The following RASSF8 variants were observed in gnomAD, a reference collection of about 807,000 sequenced individuals.
RASSF8 encodes ras association domain-containing protein 8.
Under a neutral mutation model 48.5 loss-of-function variants are expected in RASSF8, and 22 were observed. The observed-to-expected ratio is 0.45, with a 90% CI of 0.32 to 0.65. The LOEUF (loss-of-function observed/expected upper bound fraction) is 0.65, where lower values mean the gene tolerates loss of function less well. RASSF8 is among the 30% of genes least tolerant of loss of function. The pLI is 0.03. For missense variants in RASSF8, 418 were observed against 489.2 expected, an observed-to-expected ratio of 0.85 and a Z score of 1.37; for synonymous variants, 127 against 171.5, an observed-to-expected ratio of 0.74 and a Z score of 2.03.
chr12:25,989,050 C>T (rs2136938363), intron 1 of RASSF8, among the ~76,000 whole-genome samples: 1 of 152,296 alleles, frequency 6.6e-6, no homozygotes, highest in Admixed American at 6.5e-5. Flanking sequence ...TCCAACAGAG[C>T]CTTGTACTTA....
chr12:26,073,294 C>A (rs1944034751), downstream of RASSF8, among the ~76,000 whole-genome samples: 1 of 152,190 alleles, frequency 6.6e-6, no homozygotes, highest in Non-Finnish European at 1.5e-5. Context: ...ATGTTTCAGA[C>A]CTCAAGGCAC....
chr12:26,072,262 A>G lies in RASSF8; in HGVS notation c.*3444A>G. 1 of 977,962 alleles carries G rather than the reference A, an allele frequency of 1.0e-6. No individual in the cohort carries two copies. Among genetic ancestry groups the G allele is most frequent in the Non-Finnish European group, 1.2e-6 (1 of 823,152 alleles). The allele number at this position is 977,962 out of a possible 1,614,324, so 60.6% of individuals were successfully genotyped here. On this transcript the variant is annotated 3_prime_UTR_variant, in exon 6 of 6. Coordinates refer to ENST00000689635, the MANE Select transcript of RASSF8 (RefSeq NM_001394098.1). The stretch of plus-strand genomic sequence containing the variant: ...GTTCAGTTTTTTAAGTTGCATGTTT[A>G]TACTATTTGCTACAGTATTTTTAAG...
chr12:26,055,336 G>T lies in RASSF8; in HGVS notation c.-8G>T. On this transcript the variant is annotated 5_prime_UTR_variant, in exon 3 of 6. Coordinates refer to ENST00000689635, the MANE Select transcript of RASSF8 (RefSeq NM_001394098.1). Reference sequence around the variant, plus strand: ...TCTCAGGGACCTTGAGTGACTGGCCGGTGCACCATGGAACTTAAAGTATGG... The same window carrying T: ...TCTCAGGGACCTTGAGTGACTGGCCTGTGCACCATGGAACTTAAAGTATGG... The T allele has an allele frequency of 6.2e-7, 1 of 1,611,804 alleles. No homozygotes were observed. Among genetic ancestry groups the T allele is most frequent in the Non-Finnish European group, 8.5e-7 (1 of 1,178,006 alleles).
chr12:25,963,321 C>CAAAAAA (rs61607517), intron 1 of RASSF8, among the ~76,000 whole-genome samples: 4 of 96,174 alleles, frequency 4.2e-5, no homozygotes, highest in Non-Finnish European at 6.2e-5. Context: ...TTGTTTTAGC[C>CAAAAAA]AAAAAAAAAA....
intron 1 of RASSF8, among the ~76,000 whole-genome samples, chr12:25,968,447 A>G (rs1480979723): frequency 1.3e-5 from 2 of 152,124 alleles, no homozygotes; most frequent in Non-Finnish European, 2.9e-5. Flanking sequence ...GGCTCAACCA[A>G]TTCTCCTGCC....
intron 1 of RASSF8, among the ~76,000 whole-genome samples, chr12:25,986,959 C>T (rs532559957): frequency 2.1e-4 from 22 of 105,868 alleles, no homozygotes; most frequent in African/African-American, 6.2e-4. Flanking sequence ...TGTTTTGCAA[C>T]GGAGTTTCGC....
intron 2 of RASSF8, among the ~76,000 whole-genome samples, chr12:26,001,232 A>T (rs1942251198): frequency 6.9e-6 from 1 of 145,142 alleles, no homozygotes; most frequent in African/African-American, 2.5e-5. Context: ...ACAAGGTCTC[A>T]CTATGTTGCC....
intron 1 of RASSF8, among the ~76,000 whole-genome samples, chr12:25,989,772 G>A (rs1471373920): frequency 6.6e-6 from 1 of 151,934 alleles, no homozygotes; most frequent in Non-Finnish European, 1.5e-5. Flanking sequence ...AGTTTATTAG[G>A]TCAAGGGTGT....
At chr12:26,045,235 C>G (rs941140013) in intron 2 of RASSF8, among the ~76,000 whole-genome samples, 1 of 151,990 alleles carries the variant, frequency 6.6e-6, no homozygotes, top group Non-Finnish European at 1.5e-5. Context: ...TTGGTTTTAC[C>G]AAATATTATT....
intron 2 of RASSF8, among the ~76,000 whole-genome samples, chr12:26,017,368 A>ATAAG (rs10659845): frequency 0.71 from 107,399 of 151,566 alleles, 38,140 homozygotes; most frequent in South Asian, 0.77. Context: ...TTAGAGATTG[A>ATAAG]TAAGAGGTGA....
intron 1 of RASSF8, among the ~76,000 whole-genome samples, chr12:25,988,428 T>C (rs574787932): frequency 6.6e-6 from 1 of 152,236 alleles, no homozygotes; most frequent in South Asian, 2.1e-4. Context: ...TCCGATGAGC[T>C]AAGATGGGGT....
At chr12:26,063,594 T>C (rs1053419827) in intron 3 of RASSF8, among the ~76,000 whole-genome samples, 1 of 152,210 alleles carries the variant, frequency 6.6e-6, no homozygotes, top group Non-Finnish European at 1.5e-5. Context: ...GAGACAGGGT[T>C]CTGCCATGTT....
chr12:26,009,760 G>A (rs1044261596), intron 2 of RASSF8, among the ~76,000 whole-genome samples: 3 of 152,202 alleles, frequency 2.0e-5, no homozygotes, highest in African/African-American at 7.2e-5. Context: ...TTAGCAAGGT[G>A]AAGGTGATTG....
intron 2 of RASSF8, among the ~76,000 whole-genome samples, chr12:26,025,562 C>CAAAAA (rs34036145): frequency 4.0e-5 from 4 of 100,706 alleles, no homozygotes; most frequent in Admixed American, 1.0e-4. Context: ...GACTCTGTCT[C>CAAAAA]AAAAAAAAAA....
chr12:25,991,938 A>G (rs929671496), intron 1 of RASSF8, among the ~76,000 whole-genome samples: 2 of 152,220 alleles, frequency 1.3e-5, no homozygotes, highest in African/African-American at 4.8e-5. Flanking sequence ...CAAAAATAAT[A>G]TAATTATTGG....
chr12:26,027,173 C>T (rs1199905794), intron 2 of RASSF8, among the ~76,000 whole-genome samples: 1 of 152,098 alleles, frequency 6.6e-6, no homozygotes, highest in African/African-American at 2.4e-5. Context: ...TAAATGATCG[C>T]CTATGGCTGG....
At chr12:26,028,025 A>C (rs1942952569) in intron 2 of RASSF8, among the ~76,000 whole-genome samples, 1 of 152,230 alleles carries the variant, frequency 6.6e-6, no homozygotes, top group African/African-American at 2.4e-5. Flanking sequence ...GTATGAAGAA[A>C]GCCCATGCAG....
intron 1 of RASSF8, among the ~76,000 whole-genome samples, chr12:25,993,217 A>G (rs1565608729): frequency 6.6e-6 from 1 of 152,204 alleles, no homozygotes; most frequent in Non-Finnish European, 1.5e-5. Flanking sequence ...TAAGAAAGAG[A>G]GATTTTAATC....
chr12:26,054,724 G>A (rs1223401792), intron 2 of RASSF8, among the ~76,000 whole-genome samples: 1 of 151,236 alleles, frequency 6.6e-6, no homozygotes, highest in African/African-American at 2.4e-5. Context: ...AAGGCAGACA[G>A]GTAGCAGTTT....
Sources: gnomAD v4.1 joint callset for allele counts (sites outside exome capture counted in the v4.1 genomes callset) on GRCh38, gnomAD v4.1.1 for gene constraint, MANE v1.5 for transcripts, NCBI Gene and HGNC (gene_info 2026-07-23, HGNC 2026-07-21) for gene names.